Variants in TK2 observed in about 807,000 individuals in gnomAD.
TK2 encodes the protein thymidine kinase 2.
In TK2, 35 loss-of-function variants were observed where a neutral mutation model predicts 41.9. The ratio of observed to expected loss-of-function variants is 0.84; its 90% CI spans 0.64 to 1.11. TK2 has a LOEUF of 1.11. Among genes scored for constraint, TK2 ranks in the 50% least tolerant of loss-of-function variants. The pLI, the probability that TK2 is intolerant of heterozygous loss-of-function variation, is 0.00. For missense variants in TK2, 320 were observed against 351.1 expected (o/e 0.91, Z 0.71); for synonymous variants, 128 against 129.1 (o/e 0.99, Z 0.06).
intron 2 of TK2, among the ~76,000 whole-genome samples, chr16:66,543,552 T>G (rs1303892610): frequency 2.6e-5 from 4 of 152,152 alleles, no homozygotes; most frequent in Non-Finnish European, 4.4e-5. Context: ...GGGCCCGACC[T>G]GCTGCACAGA....
Position 66,510,424 on chromosome 16 carries a change from T to C in TK2, c.*1544A>G, listed in dbSNP as rs2144327787. Reference sequence around the variant, plus strand: ...GGTGCTGCTAGACACAGCTCCCGCCTGGCTGCTGCCTCTCATCCTGCCAAT... The same window carrying C: ...GGTGCTGCTAGACACAGCTCCCGCCCGGCTGCTGCCTCTCATCCTGCCAAT... On this transcript the variant is annotated 3_prime_UTR_variant, in exon 10 of 10. Transcript: ENST00000544898. The C allele has an allele frequency of 6.6e-6, 1 of 152,388 alleles. No homozygotes were observed. The highest frequency in any genetic ancestry group is 2.1e-4 in the South Asian group (1 of 4,832). The allele number at this position is 152,388 out of a possible 1,614,324, so 9.4% of individuals were successfully genotyped here. A position where few individuals can be genotyped will look rare whatever the true frequency, so the allele number is the denominator to read the frequency against.
chr16:66,508,609 T>G lies in TK2; in HGVS notation c.*3359A>C, dbSNP rs1964359586. 1 of 152,354 alleles carries G rather than the reference T, an allele frequency of 6.6e-6. No individual in the cohort carries two copies. Among genetic ancestry groups the G allele is most frequent in the East Asian group, 1.9e-4 (1 of 5,174 alleles). 9.4% of individuals were successfully genotyped at this position (152,354 alleles called of 1,614,324 possible). A position where few individuals can be genotyped will look rare whatever the true frequency, so the allele number is the denominator to read the frequency against. ...GAAAAAAGAAGTGATTCAGATTCCA[T>G]AGCACCCTGTGGGTAGACAGGTTTC... On this transcript the variant is annotated 3_prime_UTR_variant, in exon 10 of 10. Coordinates refer to ENST00000544898, the MANE Select transcript of TK2 (RefSeq NM_004614.5).
At chr16:66,533,146 C>T (rs555977667) in intron 4 of TK2, among the ~76,000 whole-genome samples, 3 of 151,110 alleles carry the variant, frequency 2.0e-5, no homozygotes, top group South Asian at 2.1e-4. Flanking sequence ...CTCAGCTCAC[C>T]GCAACCTCTA....
At chr16:66,533,746 G>T (rs193195144) in intron 4 of TK2, among the ~76,000 whole-genome samples, 2 of 152,060 alleles carry the variant, frequency 1.3e-5, no homozygotes, top group African/African-American at 2.4e-5. Flanking sequence ...GGTGGCTCAC[G>T]TCTGTAATCC....
intron 5 of TK2, among the ~76,000 whole-genome samples, chr16:66,529,269 C>T (rs960287903): frequency 2.0e-5 from 3 of 152,178 alleles, no homozygotes; most frequent in Admixed American, 2.0e-4. Flanking sequence ...AGGCTGTGTC[C>T]CCCTTCCACC....
intron 2 of TK2, among the ~76,000 whole-genome samples, chr16:66,543,925 A>T (rs774314434): frequency 3.3e-5 from 5 of 152,202 alleles, no homozygotes; most frequent in Non-Finnish European, 7.3e-5. Flanking sequence ...AAGGGAATGA[A>T]CAAAAGGGCA....
chr16:66,550,138 G>A (rs1420408799), upstream of TK2: 2 of 1,612,410 alleles, frequency 1.2e-6, no homozygotes, highest in African/African-American at 2.7e-5. Context: ...TCCAGCCGTT[G>A]GGCGCCGCCT....
intron 3 of TK2, among the ~76,000 whole-genome samples, chr16:66,538,235 A>C (rs750994747): frequency 4.6e-5 from 7 of 151,732 alleles, no homozygotes; most frequent in Non-Finnish European, 8.8e-5. Flanking sequence ...CAAGCAAGAT[A>C]CTCTGTGTCT....
chr16:66,540,625 A>G (rs946772271), intron 3 of TK2, among the ~76,000 whole-genome samples: 2 of 152,258 alleles, frequency 1.3e-5, no homozygotes, highest in African/African-American at 4.8e-5. Flanking sequence ...CAAGGAAGAC[A>G]GGTCAATGTC....
intron 2 of TK2, among the ~76,000 whole-genome samples, chr16:66,545,701 G>A (rs989248022): frequency 3.3e-5 from 5 of 152,106 alleles, no homozygotes; most frequent in African/African-American, 1.2e-4. Flanking sequence ...GCACATGACT[G>A]TAATCCCAGC....
intron 2 of TK2, among the ~76,000 whole-genome samples, chr16:66,547,342 T>C (rs532915356): frequency 6.6e-6 from 1 of 152,202 alleles, no homozygotes; most frequent in South Asian, 2.1e-4. Flanking sequence ...CCCACATCGC[T>C]CCCTGAGAGG....
chr16:66,518,111 A>G lies in TK2; in HGVS notation c.450-234T>C, dbSNP rs539944444. On this transcript the variant is annotated intron_variant, in intron 6 of 9. Transcript: ENST00000544898. ...GCTGCAAGGGCCATGGCACGGAGTGATGGGAGAATTCACTTGGGATTGGAA... is the reference window on the plus strand; with the variant it reads ...GCTGCAAGGGCCATGGCACGGAGTGGTGGGAGAATTCACTTGGGATTGGAA... 1.6e-5 allele frequency: 9 copies of G among 559,806 alleles called. No homozygotes were observed. The East Asian group carries it at 2.9e-4, about 18-fold the overall frequency. The allele number at this position is 559,806 out of a possible 1,614,324, so 34.7% of individuals were successfully genotyped here.
intron 6 of TK2, among the ~76,000 whole-genome samples, chr16:66,519,121 C>T (rs1166410154): frequency 6.6e-6 from 1 of 151,560 alleles, no homozygotes; most frequent in African/African-American, 2.4e-5. Context: ...GCCACCACGC[C>T]GGGCTAATTT....
rs1597074747 is a variant in TK2 at position 66,514,269 on chromosome 16, A to G, written c.619-458T>C. Among the ~76,000 whole-genome samples, 1 of 152,064 alleles carries G rather than the reference A, an allele frequency of 6.6e-6. No individual in the cohort carries two copies. The highest frequency in any genetic ancestry group is 1.5e-5 in the Non-Finnish European group (1 of 68,002). On this transcript the variant is annotated intron_variant, in intron 8 of 9. Coordinates refer to ENST00000544898, the MANE Select transcript of TK2 (RefSeq NM_004614.5). This position sits in a 1 kb window ranked among gnomAD's most constrained non-coding sequence, Gnocchi z 4.2. ...CAAGTGCCTGGGATTGCAGGCGCGC[A>G]CCGCCATGCCTGACTGGTTTTCGTA...
intron 2 of TK2, chr16:66,547,913 C>G: frequency 7.8e-7 from 1 of 1,280,256 alleles, no homozygotes; most frequent in Non-Finnish European, 1.0e-6. Flanking sequence ...AAAGAACAGG[C>G]CCAGCTCACA....
At chr16:66,541,518 T>C (rs745851007) in intron 3 of TK2, among the ~76,000 whole-genome samples, 7 of 152,118 alleles carry the variant, frequency 4.6e-5, no homozygotes, top group Non-Finnish European at 8.8e-5. Context: ...CTCCACCTCC[T>C]GGGCTTAAGC....
intron 6 of TK2, among the ~76,000 whole-genome samples, chr16:66,521,624 G>A (rs1405375134): frequency 1.3e-5 from 2 of 152,220 alleles, no homozygotes. Flanking sequence ...ATGACTCCGA[G>A]GGACATGGGG....
chr16:66,535,675 A>G (rs1965254662), intron 4 of TK2, among the ~76,000 whole-genome samples: 1 of 152,238 alleles, frequency 6.6e-6, no homozygotes, highest in Non-Finnish European at 1.5e-5. Context: ...TAGGGGCAGG[A>G]GAGCAAGGGC....
chr16:66,548,919 C>T, intron 2 of TK2, 59 bp downstream of exon 2: 1 of 1,498,106 alleles, frequency 6.7e-7, no homozygotes, highest in South Asian at 1.2e-5. Context: ...CTGCTTTTTT[C>T]TCTCTCCTCT....
Sources: gnomAD v4.1 joint callset for allele counts (sites outside exome capture counted in the v4.1 genomes callset) on GRCh38, gnomAD v4.1.1 for gene constraint, Gnocchi (gnomAD v3.1) non-coding constraint, MANE v1.5 for transcripts, NCBI Gene and HGNC (gene_info 2026-07-23, HGNC 2026-07-21) for gene names.